KAT6A: variants seen among roughly 807,000 people sequenced by gnomAD.
KAT6A encodes the protein histone acetyltransferase KAT6A.
A neutral mutation model predicts 198.4 loss-of-function variants in KAT6A; 9 were observed. The ratio of observed to expected loss-of-function variants is 0.05; its 90% CI spans 0.03 to 0.08. KAT6A has a LOEUF of 0.08. Among genes scored for constraint, KAT6A ranks in the 10% least tolerant of loss-of-function variants. The pLI is 1.00. For missense variants in KAT6A, 2,077 were observed against 2,509.9 expected (o/e 0.83, Z 3.69); for synonymous variants, 890 against 883.0 (o/e 1.01, Z -0.14).
intron 8 of KAT6A, among the ~76,000 whole-genome samples, chr8:41,966,546 T>C (rs1444770499): frequency 6.6e-6 from 1 of 152,062 alleles, no homozygotes; most frequent in Non-Finnish European, 1.5e-5. Flanking sequence ...TTAATGTTGT[T>C]TACTCCATCT....
At chr8:41,939,558 A>C (rs1822004788) in intron 15 of KAT6A, among the ~76,000 whole-genome samples, 1 of 152,182 alleles carries the variant, frequency 6.6e-6, no homozygotes, top group Non-Finnish European at 1.5e-5. Context: ...TGATAGATAT[A>C]TGCCAACAGG....
chr8:42,006,581 C>T (rs923432126), intron 2 of KAT6A, among the ~76,000 whole-genome samples: 12 of 152,164 alleles, frequency 7.9e-5, no homozygotes, highest in African/African-American at 2.9e-4. Context: ...TGAGCATTTC[C>T]TTTGAGAGTC....
intron 2 of KAT6A, among the ~76,000 whole-genome samples, chr8:41,994,703 T>C (rs1159876497): frequency 6.6e-6 from 1 of 152,166 alleles, no homozygotes; most frequent in East Asian, 1.9e-4. Flanking sequence ...CTTAACTAAA[T>C]GTAACTTCTA....
chr8:42,049,728 A>C (rs1304082710), intron 1 of KAT6A: 2 of 152,230 alleles, frequency 1.3e-5, no homozygotes, highest in Non-Finnish European at 2.9e-5. Flanking sequence ...AGTAAAAGTG[A>C]ATCTTTCATC....
chr8:42,007,015 A>T (rs1489453144), intron 2 of KAT6A, among the ~76,000 whole-genome samples: 1 of 151,650 alleles, frequency 6.6e-6, no homozygotes, highest in Non-Finnish European at 1.5e-5. Flanking sequence ...AAAAAAAAAA[A>T]ATCAGTCAAC....
At chr8:41,935,766 G>C (rs1413109257) in intron 16 of KAT6A, among the ~76,000 whole-genome samples, 1 of 152,122 alleles carries the variant, frequency 6.6e-6, no homozygotes, top group African/African-American at 2.4e-5. Context: ...GGAAATGGCT[G>C]CATCAGCAAA....
At chr8:42,041,214 CT>C (rs1421828788) in intron 2 of KAT6A, among the ~76,000 whole-genome samples, 1 of 138,374 alleles carries the variant, frequency 7.2e-6, no homozygotes, top group Admixed American at 7.3e-5. Flanking sequence ...AAAAAAAAAA[CT>C]GTGCAGCTGA....
intron 2 of KAT6A, among the ~76,000 whole-genome samples, chr8:42,001,449 G>T (rs1236666509): frequency 1.3e-5 from 2 of 152,166 alleles, no homozygotes; most frequent in African/African-American, 4.8e-5. Flanking sequence ...CTAGTGACAA[G>T]TTCCTAAAGG....
intron 2 of KAT6A, among the ~76,000 whole-genome samples, chr8:41,996,060 G>A (rs1469886761): frequency 6.6e-6 from 1 of 152,004 alleles, no homozygotes; most frequent in Non-Finnish European, 1.5e-5. Context: ...ATCTTCTGAG[G>A]CACTCAAATC....
At chr8:41,962,808 C>G (rs937376824) in intron 8 of KAT6A, among the ~76,000 whole-genome samples, 3 of 152,188 alleles carry the variant, frequency 2.0e-5, no homozygotes, top group Non-Finnish European at 2.9e-5. Flanking sequence ...GTATTTGGCT[C>G]TAGTCACACT....
At chr8:42,000,862 C>T (rs906442700) in intron 2 of KAT6A, among the ~76,000 whole-genome samples, 38 of 152,220 alleles carry the variant, frequency 2.5e-4, no homozygotes, top group Non-Finnish European at 1.6e-4. Context: ...CACTGTCAAA[C>T]GGTGCACATG....
At chr8:41,947,682 G>T in intron 11 of KAT6A, 69 bp downstream of exon 11, 1 of 1,305,068 alleles carries the variant, frequency 7.7e-7, no homozygotes, top group Non-Finnish European at 1.1e-6. Context: ...GTGTCCCCGA[G>T]TGAGAACCAG....
At chr8:41,964,926 T>C (rs1312661728) in intron 8 of KAT6A, among the ~76,000 whole-genome samples, 3 of 152,112 alleles carry the variant, frequency 2.0e-5, no homozygotes, top group Non-Finnish European at 4.4e-5. Flanking sequence ...ATTCAGACCT[T>C]GGCAAGCCAA....
At chr8:41,981,815 A>G (rs1399795910) in intron 4 of KAT6A, 24 bp downstream of exon 4, 3 of 1,382,666 alleles carry the variant, frequency 2.2e-6, no homozygotes, top group Non-Finnish European at 3.1e-6. Context: ...TGAAACACCC[A>G]TATTAGAAGG....
intron 2 of KAT6A, among the ~76,000 whole-genome samples, chr8:42,020,609 G>C (rs1359074369): frequency 1.3e-5 from 2 of 152,182 alleles, no homozygotes; most frequent in Admixed American, 6.5e-5. Flanking sequence ...TCTGCTGAAT[G>C]AATGTCTGAA....
chr8:41,981,533 T>A (rs1196929924), intron 4 of KAT6A, among the ~76,000 whole-genome samples: 2 of 152,204 alleles, frequency 1.3e-5, no homozygotes, highest in East Asian at 3.8e-4. Context: ...GTAATTAATA[T>A]ATCAACTGAC....
intron 3 of KAT6A, among the ~76,000 whole-genome samples, chr8:41,985,726 C>A (rs1824569449): frequency 6.6e-6 from 1 of 152,166 alleles, no homozygotes. Context: ...TAAAGCCCAA[C>A]CTCCAGCTTG....
chr8:41,934,115 T>C lies in KAT6A; in HGVS notation c.4105A>G (p.Thr1369Ala). The change falls in exon 17 of 17, where the codon ACC becomes GCC. Residue 1369 changes from threonine (T) to alanine (A), a missense_variant. By Grantham distance (58) the Thr-to-Ala change is moderately conservative (BLOSUM62 0). Around this residue, in one of 13 missense-constraint regions of KAT6A, gnomAD observed 178 missense variants for 220.8 expected, o/e 0.81. Coordinates refer to ENST00000265713, the MANE Select transcript of KAT6A (RefSeq NM_006766.5). ...SREKIKDKEE[T>A]ELDSEEEQPS... ...TGCTCCTCTTCGGAATCCAGCTCGG[T>C]TTCCTCTTTATCCTTTATCTTTTCC... The C allele has an allele frequency of 6.2e-7, 1 of 1,614,070 alleles. No homozygotes were observed. The highest frequency in any genetic ancestry group is 1.1e-5 in the South Asian group (1 of 91,066).
intron 12 of KAT6A, among the ~76,000 whole-genome samples, chr8:41,945,447 T>G (rs1332538399): frequency 6.6e-6 from 1 of 151,822 alleles, no homozygotes; most frequent in African/African-American, 2.4e-5. Flanking sequence ...ATTTTTTGTA[T>G]TTTTAGTAGA....
Sources: gnomAD v4.1 joint callset for allele counts (sites outside exome capture counted in the v4.1 genomes callset) on GRCh38, gnomAD v4.1.1 for gene constraint, gnomAD v4.1.1 regional missense constraint, MANE v1.5 for transcripts, NCBI Gene and HGNC (gene_info 2026-07-23, HGNC 2026-07-21) for gene names.